The following EYA1 variants were observed in gnomAD, a reference collection of about 807,000 sequenced individuals.
EYA1 encodes protein phosphatase EYA1.
In EYA1, 16 loss-of-function variants were observed where a neutral mutation model predicts 82.0. The observed-to-expected ratio is 0.20, with a 90% CI of 0.13 to 0.30. The LOEUF is 0.30. Ranked by LOEUF, EYA1 falls within the 10% of genes least tolerant of loss-of-function variation. The pLI is 1.00. For missense variants in EYA1, 633 were observed against 730.7 expected (o/e 0.87, Z 1.54); for synonymous variants, 261 against 264.4 (o/e 0.99, Z 0.12).
chr8:71,335,998 A>T (rs1241900277), intron 3 of EYA1, among the ~76,000 whole-genome samples: 1 of 152,204 alleles, frequency 6.6e-6, no homozygotes, highest in African/African-American at 2.4e-5. Context: ...ATTTATAGAC[A>T]TTATAATTCA....
intron 2 of EYA1, among the ~76,000 whole-genome samples, chr8:71,455,792 C>T (rs1032644606): frequency 6.6e-6 from 1 of 152,262 alleles, no homozygotes; most frequent in Admixed American, 6.5e-5. Flanking sequence ...AAACCCATAG[C>T]TGATGTCATA....
In EYA1 at chr8:71,334,249, T is replaced by C. The variant is rs769450790; in HGVS notation, c.125-75A>G. Reference sequence around the variant, plus strand: ...AAGACATGGAAGAGAAGATATAACATTCAGAGTAATGACAAGAAAATCATT... The same window carrying C: ...AAGACATGGAAGAGAAGATATAACACTCAGAGTAATGACAAGAAAATCATT... On this transcript the variant is annotated intron_variant, in intron 3 of 17. Transcript: ENST00000340726. 9.1e-6 allele frequency: 10 copies of C among 1,102,176 alleles called. No individual in the cohort carries two copies. The African/African-American group carries it at 9.2e-5, about 10-fold the overall frequency. 68.3% of individuals were successfully genotyped at this position (1,102,176 alleles called of 1,614,324 possible). A position where few individuals can be genotyped will look rare whatever the true frequency, so the allele number is the denominator to read the frequency against.
Position 71,402,696 on chromosome 8 carries a change from G to C in EYA1, c.34-46185C>G, listed in dbSNP as rs568362060. The stretch of plus-strand genomic sequence containing the variant: ...GAGTAGGGCAAGACTGGACTTCACA[G>C]ATAATACAAGTTATTATAAGATTAT... On this transcript the variant is annotated intron_variant, in intron 2 of 18. Coordinates refer to the EYA1 transcript ENST00000643681. Among the ~76,000 whole-genome samples the C allele has an allele frequency of 9.2e-5, 14 of 152,224 alleles. No homozygotes were observed. In the South Asian group the frequency reaches 2.7e-3, roughly 29 times the overall value.
chr8:71,239,327 A>G (rs1812200307), intron 12 of EYA1, among the ~76,000 whole-genome samples: 1 of 152,198 alleles, frequency 6.6e-6, no homozygotes, highest in Non-Finnish European at 1.5e-5. Flanking sequence ...TGAACAACCT[A>G]CCTGAAAACA....
At chr8:71,241,490 T>A (rs1053592250) in intron 12 of EYA1, among the ~76,000 whole-genome samples, 10 of 152,174 alleles carry the variant, frequency 6.6e-5, no homozygotes, top group African/African-American at 2.4e-4. Flanking sequence ...CTAGTCAGAA[T>A]GTCTTATTAA....
At chr8:71,472,488 A>G (rs1809281513) in intron 2 of EYA1, among the ~76,000 whole-genome samples, 1 of 152,082 alleles carries the variant, frequency 6.6e-6, no homozygotes, top group Non-Finnish European at 1.5e-5. Context: ...CCATGTATTC[A>G]TTAATTATTA....
At chr8:71,380,418 T>C (rs1828631300) in intron 2 of EYA1, among the ~76,000 whole-genome samples, 1 of 152,102 alleles carries the variant, frequency 6.6e-6, no homozygotes, top group Non-Finnish European at 1.5e-5. Context: ...AAAACACAAA[T>C]GTTCATGGAC....
intron 2 of EYA1, among the ~76,000 whole-genome samples, chr8:71,507,653 C>T (rs976385259): frequency 9.2e-5 from 14 of 152,156 alleles, no homozygotes; most frequent in East Asian, 3.8e-4. Context: ...CACAGCCATT[C>T]GGTAGAATAC....
intron 2 of EYA1, among the ~76,000 whole-genome samples, chr8:71,442,303 G>T (rs1362207713): frequency 2.0e-5 from 3 of 152,146 alleles, no homozygotes; most frequent in Non-Finnish European, 4.4e-5. Flanking sequence ...GTGGGAAGTG[G>T]ATCTTTTCTT....
At chr8:71,298,719 C>G (rs1001443980) in intron 9 of EYA1, among the ~76,000 whole-genome samples, 3 of 152,108 alleles carry the variant, frequency 2.0e-5, no homozygotes, top group Non-Finnish European at 4.4e-5. Flanking sequence ...ATTTTATGCT[C>G]TATATGTGGT....
intron 2 of EYA1, among the ~76,000 whole-genome samples, chr8:71,519,690 G>T (rs1345608397): frequency 6.6e-6 from 1 of 151,730 alleles, no homozygotes; most frequent in Non-Finnish European, 1.5e-5. Context: ...AAATCCCCTG[G>T]GTCACTGAAA....
At chr8:71,274,865 GGAGA>G (rs140773864) in intron 9 of EYA1, among the ~76,000 whole-genome samples, 25 of 149,536 alleles carry the variant, frequency 1.7e-4, no homozygotes, top group Admixed American at 8.7e-4. Context: ...AGGTAAAGTG[GGAGA>G]GAGAGAGAGA....
At chr8:71,479,444 T>C (rs1029128183) in intron 2 of EYA1, among the ~76,000 whole-genome samples, 7 of 152,114 alleles carry the variant, frequency 4.6e-5, no homozygotes, top group Admixed American at 2.6e-4. Flanking sequence ...GCTATGTAAT[T>C]TCCTTACTTA....
At chr8:71,370,051 C>T (rs1214038718) in intron 2 of EYA1, among the ~76,000 whole-genome samples, 1 of 151,944 alleles carries the variant, frequency 6.6e-6, no homozygotes, top group Non-Finnish European at 1.5e-5. Context: ...AAAAAAGCCA[C>T]CATATACCAC....
chr8:71,292,551 T>C (rs1289078105), intron 9 of EYA1, among the ~76,000 whole-genome samples: 1 of 152,048 alleles, frequency 6.6e-6, no homozygotes. Context: ...ATTACACATA[T>C]CTTCTAATAA....
At chr8:71,360,482 A>T (rs1233489124) in intron 1 of EYA1, among the ~76,000 whole-genome samples, 2 of 152,184 alleles carry the variant, frequency 1.3e-5, no homozygotes, top group African/African-American at 4.8e-5. Flanking sequence ...CTAAAACTGA[A>T]CAGTGGCTCA....
intron 2 of EYA1, among the ~76,000 whole-genome samples, chr8:71,517,065 G>T (rs61296089): frequency 0.029 from 4,343 of 151,956 alleles, 219 homozygotes; most frequent in African/African-American, 0.099. Flanking sequence ...CTCATAGTTG[G>T]CCCCTTCTCC....
chr8:71,356,990 G>A (rs928166770), intron 1 of EYA1, among the ~76,000 whole-genome samples: 4 of 152,158 alleles, frequency 2.6e-5, no homozygotes, highest in Non-Finnish European at 5.9e-5. Context: ...TTTGACTCCT[G>A]ACAGTTTCTT....
chr8:71,322,346 T>A, intron 4 of EYA1, 78 bp from the exon 5 acceptor site: 1 of 1,264,140 alleles, frequency 7.9e-7, no homozygotes, highest in Non-Finnish European at 1.2e-6. Context: ...ACTGACATAT[T>A]TTCAACTATA....
Sources: gnomAD v4.1 joint callset for allele counts (sites outside exome capture counted in the v4.1 genomes callset) on GRCh38, gnomAD v4.1.1 for gene constraint, MANE v1.5 for transcripts, NCBI Gene and HGNC (gene_info 2026-07-23, HGNC 2026-07-21) for gene names.